Variants in VCAM1 observed in about 807,000 individuals in gnomAD.
The protein encoded by VCAM1 is vascular cell adhesion molecule 1.
VCAM1 carries 41 observed loss-of-function variants against 63.8 expected under a neutral mutation model. The observed-to-expected ratio is 0.64, with a 90% confidence interval of 0.50 to 0.83. The LOEUF (loss-of-function observed/expected upper bound fraction) is 0.83, where lower values mean the gene tolerates loss of function less well. VCAM1 is among the 40% of genes least tolerant of loss of function. VCAM1 has a pLI of 0.00. For missense variants in VCAM1, 798 were observed against 875.5 expected (o/e 0.91, Z 1.12); for synonymous variants, 338 against 320.7 (o/e 1.05, Z -0.58).
intron 7 of VCAM1, among the ~76,000 whole-genome samples, chr1:100,734,243 A>T (rs898145225): frequency 6.6e-6 from 1 of 152,086 alleles, no homozygotes; most frequent in Non-Finnish European, 1.5e-5. Context: ...CATATCAAAC[A>T]CCTATTCTTT....
At chr1:100,727,215 C>G (rs72981307) in intron 4 of VCAM1, among the ~76,000 whole-genome samples, 235 of 152,044 alleles carry the variant, frequency 1.5e-3, no homozygotes, top group African/African-American at 5.3e-3. Context: ...GCTATGTTGC[C>G]CACACTGAAG....
intron 5 of VCAM1, among the ~76,000 whole-genome samples, chr1:100,730,316 A>T (rs547354250): frequency 1.4e-4 from 21 of 152,230 alleles, no homozygotes; most frequent in South Asian, 6.2e-4. Context: ...AGATAGGCAC[A>T]TTCCCAGCAG....
At position 100,723,240 on chromosome 1, in the gene VCAM1, G is replaced by T; in HGVS notation, c.561G>T (p.Glu187Asp). The T allele has an allele frequency of 1.5e-5, 24 of 1,613,088 alleles. No homozygotes were observed. Among genetic ancestry groups the T allele is most frequent in the Non-Finnish European group, 2.0e-5 (23 of 1,179,380 alleles). ...SLEVTFTPVI[E>D]DIGKVLVCRA... is the part of the protein sequence containing the mutation. ...AAGTAACCTTTACTCCTGTCATTGA[G>T]GATATTGGAAAAGTTCTTGTTTGCC... The change falls in exon 3 of 9, where the codon GAG becomes GAT. Residue 187 changes from glutamate to aspartate, a missense_variant. Glu to Asp is a conservative substitution (Grantham distance 45, BLOSUM62 2). Coordinates refer to ENST00000294728, the MANE Select transcript of VCAM1 (RefSeq NM_001078.4).
chr1:100,726,921 G>A (rs1660179777), intron 4 of VCAM1, among the ~76,000 whole-genome samples: 1 of 152,036 alleles, frequency 6.6e-6, no homozygotes, highest in Non-Finnish European at 1.5e-5. Context: ...CAGCACTTTG[G>A]GAGGCTTAGG....
At chr1:100,725,632 C>T (rs906195019) in intron 4 of VCAM1, among the ~76,000 whole-genome samples, 2 of 151,978 alleles carry the variant, frequency 1.3e-5, no homozygotes, top group Non-Finnish European at 2.9e-5. Flanking sequence ...TATTAAAAAC[C>T]CAGGCTCAGC....
Position 100,732,659 on chromosome 1 carries a change from A to G in VCAM1, c.1767A>G (p.Arg589=). ...CEGINQAGRS[R]KEVELIIQVT... The stretch of plus-strand genomic sequence containing the variant: ...GAATTAACCAGGCTGGAAGAAGCAG[A>G]AAGGAAGTGGAATTAATTATCCAAG... The change falls in exon 7 of 9, where the codon AGA becomes AGG. Residue 589 remains arginine, a synonymous_variant. Transcript: ENST00000294728. 6.2e-7 allele frequency: 1 copy of G among 1,602,048 alleles called. No homozygotes were observed. The highest frequency in any genetic ancestry group is 2.2e-5 in the East Asian group (1 of 44,746).
In VCAM1 at chr1:100,738,171, A is replaced by AT; in HGVS notation, c.2112dup (p.Ala705CysfsTer26). ...TTTTCTCCTGAGCTTCTCGTGCTCTATTTTGCATCCTCCTTAATAATACCT... is the reference window on the plus strand; with the variant it reads ...TTTTCTCCTGAGCTTCTCGTGCTCTATTTTTGCATCCTCCTTAATAATACCT... On this transcript the variant is annotated frameshift_variant, in exon 9 of 9. Transcript: ENST00000294728. LOFTEE classifies it high-confidence loss of function. 1 of 1,613,828 alleles carries AT rather than the reference A, an allele frequency of 6.2e-7. No individual in the cohort carries two copies. Among genetic ancestry groups the AT allele is most frequent in the South Asian group, 1.1e-5 (1 of 91,048 alleles).
intron 2 of VCAM1, among the ~76,000 whole-genome samples, chr1:100,721,858 TACAGAATATGAGGG>T (rs2100822848): frequency 6.6e-6 from 1 of 152,188 alleles, no homozygotes; most frequent in East Asian, 1.9e-4. Flanking sequence ...GAACATTTCT[TACAGAATATGAGGG>T]ACAGAAATTA....
Position 100,733,869 on chromosome 1 carries a change from C to A in VCAM1, c.1793-633C>A, listed in dbSNP as rs142224843. Among the ~76,000 whole-genome samples the A allele has an allele frequency of 8.6e-4, 131 of 152,286 alleles. 1 individual carries two copies. Among genetic ancestry groups the A allele is most frequent in the African/African-American group, 3.1e-3 (129 of 41,572 alleles). On this transcript the variant is annotated intron_variant, in intron 7 of 8. Coordinates refer to ENST00000294728, the MANE Select transcript of VCAM1 (RefSeq NM_001078.4). ...TAAGTTTCTATTTCACATCTGAATT[C>A]TATAGCTCTTTATCAAACACTGTAT...
intron 2 of VCAM1, among the ~76,000 whole-genome samples, 191 bp from the exon 3 acceptor site, chr1:100,722,829 T>A (rs1660001115): frequency 6.6e-6 from 1 of 152,108 alleles, no homozygotes; most frequent in Non-Finnish European, 1.5e-5. Context: ...AATAATGTTG[T>A]AAAAAATGTT....
In VCAM1 at chr1:100,734,484, T is replaced by G. The variant is rs1161003611; in HGVS notation, c.1793-18T>G. 1 of 1,599,314 alleles carries G rather than the reference T, an allele frequency of 6.3e-7. No individual in the cohort carries two copies. Among genetic ancestry groups the G allele is most frequent in the East Asian group, 2.2e-5 (1 of 44,734 alleles). ...ATATTTCACTCAATCAGGGATGTCT[T>G]TTAAATTCTCTTTACAGTTACTCCA... On this transcript the variant is annotated intron_variant, in intron 7 of 8. Transcript: ENST00000294728.
At position 100,720,576 on chromosome 1, in the gene VCAM1, A is replaced by G. The variant is rs898384142; in HGVS notation, c.165A>G (p.Pro55=). ...GCAGCACCACAGGCTGTGAGTCCCC[A>G]TTTTTCTCTTGGAGAACCCAGATAG... The part of the protein sequence containing the change: ...LTCSTTGCES[P]FFSWRTQIDS... Residue 55 remains proline (P), a synonymous_variant, in exon 2 of 9, where the codon CCA becomes CCG. Coordinates refer to ENST00000294728, the MANE Select transcript of VCAM1 (RefSeq NM_001078.4). 6.2e-7 allele frequency: 1 copy of G among 1,613,216 alleles called. No individual in the cohort carries two copies. The highest frequency in any genetic ancestry group is 2.2e-5 in the East Asian group (1 of 44,830).
Position 100,738,313 on chromosome 1 carries a change from C to G in VCAM1, c.*30C>G. ...TGCTTGATATGTTCAACTGGAGACA[C>G]TATTTATCTGTGCAAATCCTTGATA... On this transcript the variant is annotated 3_prime_UTR_variant, in exon 9 of 9. Transcript: ENST00000294728. The G allele has an allele frequency of 1.9e-6, 3 of 1,603,826 alleles. No individual in the cohort carries two copies. The highest frequency in any genetic ancestry group is 1.7e-6 in the Non-Finnish European group (2 of 1,174,094).
rs1012840555 is a variant in VCAM1, at chr1:100,738,782, G to T, written c.*499G>T. ...TAATTTCAGGTTTTGTAAAGATGCC[G>T]GGTTTTATATTTTTATAGACAAATA... is the stretch of plus-strand genomic sequence containing the variant. On this transcript the variant is annotated 3_prime_UTR_variant, in exon 9 of 9. Coordinates refer to ENST00000294728, the MANE Select transcript of VCAM1 (RefSeq NM_001078.4). The T allele has an allele frequency of 1.3e-5, 2 of 152,142 alleles. No homozygotes were observed. The highest frequency in any genetic ancestry group is 4.8e-5 in the African/African-American group (2 of 41,358). The allele number at this position is 152,142 out of a possible 1,614,324, so 9.4% of individuals were successfully genotyped here. A position where few individuals can be genotyped will look rare whatever the true frequency, so the allele number is the denominator to read the frequency against.
At chr1:100,734,474 A>G in intron 7 of VCAM1, 28 bp from the exon 8 acceptor site, 1 of 1,592,154 alleles carries the variant, frequency 6.3e-7, no homozygotes, top group Non-Finnish European at 8.5e-7. Flanking sequence ...TCACTCAATC[A>G]GGGATGTCTT....
chr1:100,737,047 A>T (rs1660676051), intron 8 of VCAM1: 1 of 152,194 alleles, frequency 6.6e-6, no homozygotes, highest in South Asian at 2.1e-4. Context: ...TTATAAAGTT[A>T]AGATGTTAAG....
intron 8 of VCAM1, chr1:100,737,791 A>G (rs1660710033): frequency 1.1e-5 from 2 of 177,544 alleles, no homozygotes; most frequent in South Asian, 1.5e-4. Context: ...CCTCTCTCCA[A>G]TTCCTGTTCT....
intron 8 of VCAM1, 40 bp downstream of exon 8, chr1:100,734,808 C>T: frequency 6.2e-7 from 1 of 1,601,604 alleles, no homozygotes. Context: ...GGTAATAGTT[C>T]AGAGGTTCCA....
At chr1:100,728,163 G>A (rs535119462) in intron 4 of VCAM1, among the ~76,000 whole-genome samples, 25 of 152,178 alleles carry the variant, frequency 1.6e-4, no homozygotes, top group African/African-American at 5.8e-4. Context: ...AGCGCTGATG[G>A]CCAAAGAGCA....
Sources: gnomAD v4.1 joint callset for allele counts (sites outside exome capture counted in the v4.1 genomes callset) on GRCh38, gnomAD v4.1.1 for gene constraint, MANE v1.5 for transcripts, NCBI Gene and HGNC (gene_info 2026-07-23, HGNC 2026-07-21) for gene names.